TERF1: variants seen among roughly 807,000 people sequenced by gnomAD.
The protein encoded by TERF1 is telomeric repeat-binding factor 1.
TERF1 carries 20 observed loss-of-function variants against 55.1 expected under a neutral mutation model. The observed-to-expected ratio is 0.36, with a 90% confidence interval of 0.26 to 0.53. TERF1 has a LOEUF of 0.53. Ranked by LOEUF, TERF1 falls within the 20% of genes least tolerant of loss-of-function variation. The pLI is 0.91. For missense variants in TERF1, 439 were observed against 535.7 expected (o/e 0.82, Z 1.78); for synonymous variants, 168 against 181.2 (o/e 0.93, Z 0.59).
At chr8:73,015,581 T>C (rs1481768888) in intron 2 of TERF1, among the ~76,000 whole-genome samples, 6 of 152,162 alleles carry the variant, frequency 3.9e-5, no homozygotes, top group African/African-American at 1.2e-4. Flanking sequence ...TTCACGCCTG[T>C]AATCCCAGCA....
intron 9 of TERF1, among the ~76,000 whole-genome samples, chr8:73,039,876 A>G (rs954468100): frequency 6.7e-6 from 1 of 148,460 alleles, no homozygotes; most frequent in Admixed American, 6.8e-5. Context: ...GTCTTGAATT[A>G]CTTGGCTCGA....
intron 2 of TERF1, among the ~76,000 whole-genome samples, chr8:73,019,592 T>C (rs1808664665): frequency 6.6e-6 from 1 of 152,158 alleles, no homozygotes; most frequent in Non-Finnish European, 1.5e-5. Flanking sequence ...AAGGCTGTGG[T>C]GTCATCATCG....
At chr8:73,035,625 G>A (rs1563470013) in intron 8 of TERF1, among the ~76,000 whole-genome samples, 1 of 152,082 alleles carries the variant, frequency 6.6e-6, no homozygotes, top group Non-Finnish European at 1.5e-5. Flanking sequence ...TTAGAAAAGT[G>A]ATAAATCTCC....
intron 1 of TERF1, chr8:73,011,034 T>C (rs1007207188): frequency 6.6e-6 from 1 of 152,206 alleles, no homozygotes; most frequent in Non-Finnish European, 1.5e-5. Flanking sequence ...CTTGTTCCAT[T>C]TCTAGAGCAC....
rs746722487 is a variant in TERF1 at position 73,009,136 on chromosome 8, C to T, written c.250C>T (p.Leu84Phe). ...CGGCTGGATGCTCGATTTCCTCTGC[C>T]TCTCTCTTTGCCGAGCTTTCCGCGA... is the stretch of plus-strand genomic sequence containing the variant. The part of the protein sequence containing the change: ...AAGWMLDFLC[L>F]SLCRAFRDGR... Residue 84 changes from leucine (L) to phenylalanine (F), a missense_variant, in exon 1 of 10, where the codon CTC (leucine) becomes TTC (phenylalanine). Leu to Phe is a conservative substitution (Grantham distance 22, BLOSUM62 0). Transcript: ENST00000276603. The T allele has an allele frequency of 1.9e-6, 3 of 1,611,378 alleles. No homozygotes were observed. Among genetic ancestry groups the T allele is most frequent in the East Asian group, 2.2e-5 (1 of 44,876 alleles).
intron 8 of TERF1, among the ~76,000 whole-genome samples, chr8:73,035,226 A>G (rs1052380075): frequency 1.3e-5 from 2 of 151,754 alleles, no homozygotes; most frequent in African/African-American, 4.8e-5. Context: ...CAATCCCCAA[A>G]TTTTCTTGGT....
chr8:73,038,145 C>G (rs556054889), intron 8 of TERF1, among the ~76,000 whole-genome samples: 14 of 151,406 alleles, frequency 9.2e-5, no homozygotes, highest in Non-Finnish European at 1.5e-4. Context: ...AAATGTATCA[C>G]TTTTGATAAA....
intron 8 of TERF1, among the ~76,000 whole-genome samples, chr8:73,033,455 C>T (rs557528640): frequency 7.9e-5 from 12 of 152,212 alleles, no homozygotes; most frequent in East Asian, 1.9e-4. Flanking sequence ...GTAGGCCAGG[C>T]GCAGTGGCTC....
intron 4 of TERF1, among the ~76,000 whole-genome samples, chr8:73,022,532 G>A (rs1808809043): frequency 6.6e-6 from 1 of 152,030 alleles, no homozygotes; most frequent in Admixed American, 6.6e-5. Context: ...GAGGTGGGAG[G>A]ATCTCTTGAG....
chr8:73,023,078 A>AAAG (rs35655525), intron 4 of TERF1, among the ~76,000 whole-genome samples: 1 of 151,804 alleles, frequency 6.6e-6, no homozygotes, highest in South Asian at 2.1e-4. Context: ...GATACAAAAA[A>AAAG]TCTGTATGTG....
intron 8 of TERF1, among the ~76,000 whole-genome samples, chr8:73,034,050 C>G (rs1177268128): frequency 6.6e-6 from 1 of 152,158 alleles, no homozygotes; most frequent in African/African-American, 2.4e-5. Flanking sequence ...TTCCCAGGCT[C>G]AGTTGATCCT....
Position 73,043,799 on chromosome 8 carries a change from G to C in TERF1, c.1144-2162G>C, listed in dbSNP as rs56325287. Among the ~76,000 whole-genome samples the C allele has an allele frequency of 4.3e-3, 654 of 152,266 alleles. 1 individual carries two copies. Among genetic ancestry groups the C allele is most frequent in the African/African-American group, 0.015 (611 of 41,568 alleles). ...ACCTTATTAAAAATACTACAGCTCA[G>C]ATAAGAACAAGAAAACAATGCTGTA... On this transcript the variant is annotated intron_variant, in intron 9 of 9. Coordinates refer to ENST00000276603, the MANE Select transcript of TERF1 (RefSeq NM_017489.3).
At chr8:73,023,097 A>G (rs1808839626) in intron 4 of TERF1, among the ~76,000 whole-genome samples, 1 of 152,218 alleles carries the variant, frequency 6.6e-6, no homozygotes, top group African/African-American at 2.4e-5. Context: ...TGTTCAGTAC[A>G]GGTGTAATTT....
chr8:73,013,784 A>G, intron 1 of TERF1, 111 bp from the exon 2 acceptor site: 1 of 634,078 alleles, frequency 1.6e-6, no homozygotes, highest in Non-Finnish European at 2.8e-6. Context: ...TACAACTCTA[A>G]ATTTATGATA....
chr8:73,039,770 G>GGTGTGT (rs35184446), intron 9 of TERF1, among the ~76,000 whole-genome samples: 4,240 of 136,380 alleles, frequency 0.031, 73 homozygotes, highest in Middle Eastern at 0.045. Context: ...TTGTTTTTGT[G>GGTGTGT]GTGTGTGTGT....
rs145112501 is a variant in TERF1 at position 73,028,066 on chromosome 8, A to G, written c.887+1014A>G. 3.4e-4 allele frequency among the ~76,000 whole-genome samples: 52 copies of G among 152,324 alleles called. No homozygotes were observed. The South Asian group carries it at 6.4e-3, about 19-fold the overall frequency. On this transcript the variant is annotated intron_variant, in intron 6 of 9. Coordinates refer to ENST00000276603, the MANE Select transcript of TERF1 (RefSeq NM_017489.3). ...TAGAGATTCCATTTTTATTGGCCCAATTACTTCCTTTTGTTTCAAAAATCA... is the reference window on the plus strand; with the variant it reads ...TAGAGATTCCATTTTTATTGGCCCAGTTACTTCCTTTTGTTTCAAAAATCA...
chr8:73,009,678 A>G (rs1808200980), intron 1 of TERF1: 1 of 153,772 alleles, frequency 6.5e-6, no homozygotes, highest in Admixed American at 6.5e-5. Flanking sequence ...GAATAAAAGT[A>G]AATGTTGGCC....
At chr8:73,012,351 T>C (rs759012551) in intron 1 of TERF1, 2 of 152,182 alleles carry the variant, frequency 1.3e-5, no homozygotes, top group Non-Finnish European at 2.9e-5. Context: ...GCAAGAATTA[T>C]CAAAATGTGA....
intron 7 of TERF1, 175 bp from the exon 8 acceptor site, chr8:73,031,867 G>A: frequency 2.5e-6 from 1 of 404,140 alleles, no homozygotes; most frequent in Non-Finnish European, 4.4e-6. Context: ...ACAGGCAACA[G>A]AAATCTTAAG....
Sources: gnomAD v4.1 joint callset for allele counts (sites outside exome capture counted in the v4.1 genomes callset) on GRCh38, gnomAD v4.1.1 for gene constraint, MANE v1.5 for transcripts, NCBI Gene and HGNC (gene_info 2026-07-23, HGNC 2026-07-21) for gene names.